Variants in LINGO2 observed in about 807,000 individuals in gnomAD.
LINGO2 encodes leucine-rich repeat and immunoglobulin-like domain-containing nogo receptor-interacting protein 2.
In LINGO2, 14 loss-of-function variants were observed where a neutral mutation model predicts 30.6. The ratio of observed to expected loss-of-function variants is 0.46; its 90% CI spans 0.30 to 0.72. The LOEUF (loss-of-function observed/expected upper bound fraction) is 0.72, where lower values mean the gene tolerates loss of function less well. Among genes scored for constraint, LINGO2 ranks in the 30% least tolerant of loss-of-function variants. The probability of loss-of-function intolerance (pLI) is 0.07; values close to 1 mark genes in which losing one functional copy is unlikely to be tolerated. For synonymous variants in LINGO2, 317 were observed against 288.5 expected (o/e 1.10, Z -1.00); for missense variants, 729 against 751.7 (o/e 0.97, Z 0.35).
chr9:29,061,528 T>G, the LINGO2 span, among the ~76,000 whole-genome samples: 1 of 151,916 alleles, frequency 6.6e-6, no homozygotes, highest in Non-Finnish European at 1.5e-5. Flanking sequence ...GAAATAATCT[T>G]CTGCATAAAA....
At chr9:28,827,710 T>C in the LINGO2 span, among the ~76,000 whole-genome samples, 5 of 152,144 alleles carry the variant, frequency 3.3e-5, no homozygotes, top group Admixed American at 2.0e-4. Context: ...TAACAAAATG[T>C]ACAAGATTAA....
chr9:28,936,501 G>T, the LINGO2 span, among the ~76,000 whole-genome samples: 1 of 152,206 alleles, frequency 6.6e-6, no homozygotes, highest in South Asian at 2.1e-4. Context: ...TCACTTAATG[G>T]ACAATAAAAC....
At chr9:28,380,519 C>T (rs751859666) in intron 2 of LINGO2, among the ~76,000 whole-genome samples, 10 of 151,244 alleles carry the variant, frequency 6.6e-5, no homozygotes, top group Non-Finnish European at 7.4e-5. Flanking sequence ...ACAGAAGAGT[C>T]AAGTTCAGTG....
chr9:28,318,735 T>A (rs1342615688), intron 3 of LINGO2, among the ~76,000 whole-genome samples: 1 of 152,226 alleles, frequency 6.6e-6, no homozygotes, highest in Non-Finnish European at 1.5e-5. Context: ...GAGATCCCTA[T>A]ATTTGAAAAT....
chr9:28,866,847 C>A, the LINGO2 span, among the ~76,000 whole-genome samples: 1 of 152,034 alleles, frequency 6.6e-6, no homozygotes, highest in Admixed American at 6.6e-5. Context: ...GGACAGACGT[C>A]GTTGGTGGGG....
the LINGO2 span, among the ~76,000 whole-genome samples, chr9:29,028,426 G>GC: frequency 1.1e-4 from 10 of 93,262 alleles, no homozygotes; most frequent in South Asian, 1.1e-3. Context: ...GTGTGGGGGG[G>GC]GGTGAGAGAG....
chr9:28,468,207 C>A (rs1392883502), intron 2 of LINGO2, among the ~76,000 whole-genome samples: 1 of 152,160 alleles, frequency 6.6e-6, no homozygotes, highest in East Asian at 1.9e-4. Flanking sequence ...TAGTGTTTTA[C>A]TTGCCTTTGC....
At chr9:28,272,587 A>G (rs1447595195) in intron 4 of LINGO2, among the ~76,000 whole-genome samples, 2 of 152,090 alleles carry the variant, frequency 1.3e-5, no homozygotes, top group African/African-American at 4.8e-5. Flanking sequence ...TTTTATTTGA[A>G]TAGATTGTGT....
chr9:27,988,968 T>G (rs1176359311), intron 5 of LINGO2, among the ~76,000 whole-genome samples: 1 of 151,968 alleles, frequency 6.6e-6, no homozygotes, highest in African/African-American at 2.4e-5. Flanking sequence ...CACATCATAA[T>G]TATCTCTTGC....
At chr9:28,981,031 A>C in the LINGO2 span, among the ~76,000 whole-genome samples, 2 of 152,250 alleles carry the variant, frequency 1.3e-5, no homozygotes, top group African/African-American at 4.8e-5. Context: ...AGCCACTAGC[A>C]TTATGAACCA....
At chr9:28,335,854 G>A (rs942768493) in intron 3 of LINGO2, among the ~76,000 whole-genome samples, 9 of 152,070 alleles carry the variant, frequency 5.9e-5, no homozygotes, top group African/African-American at 2.2e-4. Context: ...CATTTGGGTT[G>A]TTTCCAGTTT....
At chr9:28,680,400 G>A in the LINGO2 span, among the ~76,000 whole-genome samples, 2 of 151,980 alleles carry the variant, frequency 1.3e-5, no homozygotes, top group Admixed American at 1.3e-4. Context: ...CTTGGCCATT[G>A]TGAATAATAC....
the LINGO2 span, among the ~76,000 whole-genome samples, chr9:29,166,170 G>T: frequency 7.2e-5 from 11 of 152,036 alleles, no homozygotes; most frequent in African/African-American, 2.7e-4. Flanking sequence ...ATAAATAAAT[G>T]ATTCTCTTAT....
the LINGO2 span, among the ~76,000 whole-genome samples, chr9:28,958,717 A>T: frequency 4.6e-5 from 7 of 152,014 alleles, no homozygotes; most frequent in African/African-American, 1.4e-4. Context: ...GAGGAGAAAA[A>T]AGGAGAGAAG....
chr9:29,059,950 T>C, the LINGO2 span, among the ~76,000 whole-genome samples: 1 of 152,072 alleles, frequency 6.6e-6, no homozygotes, highest in East Asian at 1.9e-4. Flanking sequence ...GTAAGCCCAC[T>C]ACAGATTCTC....
the LINGO2 span, among the ~76,000 whole-genome samples, chr9:29,196,844 C>T: frequency 3.3e-5 from 5 of 152,092 alleles, no homozygotes; most frequent in East Asian, 1.9e-4. Context: ...TCAGAAATAA[C>T]GGAAAATATG....
the LINGO2 span, among the ~76,000 whole-genome samples, chr9:29,088,772 T>G: frequency 3.3e-5 from 5 of 152,160 alleles, no homozygotes; most frequent in African/African-American, 1.2e-4. Context: ...AAAAATTATT[T>G]TGGAATACGC....
At chr9:28,310,896 A>G (rs1049180941) in intron 3 of LINGO2, among the ~76,000 whole-genome samples, 1 of 152,192 alleles carries the variant, frequency 6.6e-6, no homozygotes, top group South Asian at 2.1e-4. Context: ...AACTCACATC[A>G]TTCTTTTAAG....
chr9:28,751,363 G>C, the LINGO2 span, among the ~76,000 whole-genome samples: 1 of 148,262 alleles, frequency 6.7e-6, no homozygotes, highest in Non-Finnish European at 1.5e-5. Context: ...AAATGAACCA[G>C]AACCAGCATG....
Sources: gnomAD v4.1 joint callset for allele counts (sites outside exome capture counted in the v4.1 genomes callset) on GRCh38, gnomAD v4.1.1 for gene constraint, MANE v1.5 for transcripts, NCBI Gene and HGNC (gene_info 2026-07-23, HGNC 2026-07-21) for gene names.